The following PARP1 variants were observed in gnomAD, a reference collection of about 807,000 sequenced individuals.
The protein encoded by PARP1 is poly [ADP-ribose] polymerase 1.
PARP1 carries 44 observed loss-of-function variants against 118.7 expected under a neutral mutation model. The ratio of observed to expected loss-of-function variants is 0.37; its 90% CI spans 0.29 to 0.48. The LOEUF is 0.48. Among genes scored for constraint, PARP1 ranks in the 20% least tolerant of loss-of-function variants. The probability of loss-of-function intolerance (pLI) is 0.99; values close to 1 mark genes in which losing one functional copy is unlikely to be tolerated. For synonymous variants in PARP1, 492 were observed against 483.2 expected, an observed-to-expected ratio of 1.02 and a Z score of -0.24; for missense variants, 1,100 against 1,272.4, an observed-to-expected ratio of 0.86 and a Z score of 2.06.
chr1:226,377,453 T>C (rs1664515158), intron 12 of PARP1, 150 bp from the exon 13 acceptor site: 4 of 668,566 alleles, frequency 6.0e-6, no homozygotes, highest in Middle Eastern at 3.0e-4. Context: ...ACAACTGCTA[T>C]AACAATAAAG....
At chr1:226,391,830 T>A (rs1161670954) in intron 3 of PARP1, among the ~76,000 whole-genome samples, 11 of 152,198 alleles carry the variant, frequency 7.2e-5, no homozygotes, top group African/African-American at 2.4e-4. Flanking sequence ...GTTAATGAAG[T>A]TCCTTTGATT....
At chr1:226,385,412 T>C (rs1332022591) in intron 7 of PARP1, 92 bp downstream of exon 7, 1 of 1,065,178 alleles carries the variant, frequency 9.4e-7, no homozygotes, top group Non-Finnish European at 1.5e-6. Flanking sequence ...AACATGGCCC[T>C]GCAATCTCAG....
Position 226,385,323 on chromosome 1 carries a change from T to C in PARP1, c.1011+181A>G, listed in dbSNP as rs147721767. 2.5e-3 allele frequency among the ~76,000 whole-genome samples: 378 copies of C among 152,328 alleles called. 2 individuals are homozygous for C. The highest frequency in any genetic ancestry group is 1.4e-3 in the Non-Finnish European group (95 of 68,026). ...TACTCCATACTTAGAGGAGCTTCGG[T>C]TCTACATTTGCGTAGTTTGCAAACA... is the stretch of plus-strand genomic sequence containing the variant. On this transcript the variant is annotated intron_variant, in intron 7 of 22. Transcript: ENST00000366794.
At position 226,381,150 on chromosome 1, in the gene PARP1, A is replaced by G. The variant is rs1664598611; in HGVS notation, c.1218T>C (p.Asp406=). 2 of 1,614,062 alleles carry G rather than the reference A, an allele frequency of 1.2e-6. No homozygotes were observed. The highest frequency in any genetic ancestry group is 2.2e-5 in the South Asian group (2 of 91,066). The stretch of plus-strand genomic sequence containing the variant: ...GTTTCTCAATCATGGCCTTCACTTC[A>G]TCCTTGTTCCGGGACAGCTTCCCGA... ...LTLGKLSRNK[D]EVKAMIEKLG... The change falls in exon 9 of 23, where the codon GAT becomes GAC. Residue 406 remains aspartate, a synonymous_variant. Coordinates refer to ENST00000366794, the MANE Select transcript of PARP1 (RefSeq NM_001618.4).
chr1:226,364,387 A>C, intron 19 of PARP1: 3 of 365,894 alleles, frequency 8.2e-6, no homozygotes, highest in Non-Finnish European at 1.6e-5. Context: ...GTGTTACTTA[A>C]ACTAGCGCCT....
intron 1 of PARP1, among the ~76,000 whole-genome samples, chr1:226,403,014 C>T (rs975369724): frequency 3.9e-5 from 6 of 152,198 alleles, no homozygotes; most frequent in African/African-American, 9.6e-5. Flanking sequence ...GCGGATGGTT[C>T]GGGGCAGCAT....
At chr1:226,406,672 C>T (rs1487097207) in intron 1 of PARP1, among the ~76,000 whole-genome samples, 1 of 152,180 alleles carries the variant, frequency 6.6e-6, no homozygotes, top group East Asian at 1.9e-4. Flanking sequence ...TCCTTAAAAC[C>T]TAACAGAGTG....
chr1:226,363,066 CG>C, intron 21 of PARP1, 32 bp downstream of exon 21: 1 of 1,551,348 alleles, frequency 6.4e-7, no homozygotes, highest in Non-Finnish European at 8.9e-7. Context: ...CAGGGTGCCT[CG>C]GGCTGTAGCA....
rs1227204505 is a variant in PARP1 at position 226,366,047 on chromosome 1, A to C, written c.2412T>G (p.Val804=). 1 of 1,608,012 alleles carries C rather than the reference A, an allele frequency of 6.2e-7. No individual in the cohort carries two copies. Among genetic ancestry groups the C allele is most frequent in the South Asian group, 1.1e-5 (1 of 90,948 alleles). The change falls in exon 18 of 23, where the codon GTT becomes GTG. Residue 804 remains valine, a synonymous_variant. Coordinates refer to ENST00000366794, the MANE Select transcript of PARP1 (RefSeq NM_001618.4). ...YEKLKTDIKV[V]DRDSEEAEII... ...TCTCGGCTTCTTCAGAATCTCTGTCAACCACCTGGATAAACAGAATCTTGG... is the reference window on the plus strand; with the variant it reads ...TCTCGGCTTCTTCAGAATCTCTGTCCACCACCTGGATAAACAGAATCTTGG...
At chr1:226,406,594 C>T (rs1442824789) in intron 1 of PARP1, among the ~76,000 whole-genome samples, 1 of 152,200 alleles carries the variant, frequency 6.6e-6, no homozygotes, top group Non-Finnish European at 1.5e-5. Context: ...TCCTCTCTTA[C>T]GGTAACGTTT....
At chr1:226,405,803 TTAAAAATGCGTAA>T (rs771356701) in intron 1 of PARP1, among the ~76,000 whole-genome samples, 2 of 152,068 alleles carry the variant, frequency 1.3e-5, no homozygotes, top group Non-Finnish European at 2.9e-5. Flanking sequence ...AGAATAACAT[TTAAAAATGCGTAA>T]TAAAAAGGCT....
intron 2 of PARP1, chr1:226,392,813 A>C (rs1221254664): frequency 2.3e-6 from 2 of 874,286 alleles, no homozygotes; most frequent in African/African-American, 3.5e-5. Flanking sequence ...AAAAGGTTGA[A>C]TTATTCAATA....
At chr1:226,382,903 G>A in intron 8 of PARP1, 133 bp downstream of exon 8, 1 of 997,494 alleles carries the variant, frequency 1.0e-6, no homozygotes, top group Non-Finnish European at 1.6e-6. Flanking sequence ...TGCAGGGCAA[G>A]GCTTCCCCAT....
intron 14 of PARP1, 113 bp downstream of exon 14, chr1:226,374,113 G>A: frequency 8.1e-7 from 1 of 1,240,206 alleles, no homozygotes; most frequent in African/African-American, 1.5e-5. Context: ...GAAGCTGACA[G>A]CCAATGTATT....
At chr1:226,374,177 TAATC>T in intron 14 of PARP1, 45 bp downstream of exon 14, 1 of 1,608,902 alleles carries the variant, frequency 6.2e-7, no homozygotes, top group Non-Finnish European at 8.5e-7. Flanking sequence ...GCTCAGCAAA[TAATC>T]ATCCACAGCA....
At chr1:226,392,675 G>T in intron 2 of PARP1, 1 of 537,502 alleles carries the variant, frequency 1.9e-6, no homozygotes, top group Non-Finnish European at 3.3e-6. Context: ...GTCTCACTAA[G>T]GCTTCTAATT....
At position 226,400,423 on chromosome 1, in the gene PARP1, T is replaced by G. The variant is rs78966029; in HGVS notation, c.286+1791A>C. Reference sequence around the variant, plus strand: ...ACATCAGCACACACCGGGATAACTCTCAAATAGAGTAAACATTTAGATGTT... The same window carrying G: ...ACATCAGCACACACCGGGATAACTCGCAAATAGAGTAAACATTTAGATGTT... On this transcript the variant is annotated intron_variant, in intron 2 of 22. Transcript: ENST00000366794. Among the ~76,000 whole-genome samples, 712 of 152,268 alleles carry G rather than the reference T, an allele frequency of 4.7e-3. 2 individuals are homozygous for G. The highest frequency in any genetic ancestry group is 7.5e-3 in the Non-Finnish European group (512 of 68,026).
At chr1:226,373,305 C>A (rs1169946576) in intron 14 of PARP1, among the ~76,000 whole-genome samples, 1 of 152,192 alleles carries the variant, frequency 6.6e-6, no homozygotes, top group Admixed American at 6.5e-5. Flanking sequence ...CCACTGGTTC[C>A]TAGGAGCCTA....
Position 226,360,965 on chromosome 1 carries a change from A to G in PARP1, c.*495T>C, listed in dbSNP as rs1411509268. On this transcript the variant is annotated 3_prime_UTR_variant, in exon 23 of 23. Coordinates refer to ENST00000366794, the MANE Select transcript of PARP1 (RefSeq NM_001618.4). ...AAGAGGCAAACAAAAAAAACTAAAA[A>G]GGGGACAATAAGTGCAAGATAAAAA... 4.4e-6 allele frequency: 1 copy of G among 228,022 alleles called. No individual in the cohort carries two copies. Among genetic ancestry groups the G allele is most frequent in the African/African-American group, 2.2e-5 (1 of 44,688 alleles). The allele number at this position is 228,022 out of a possible 1,614,324, so 14.1% of individuals were successfully genotyped here.
Sources: gnomAD v4.1 joint callset for allele counts (sites outside exome capture counted in the v4.1 genomes callset) on GRCh38, gnomAD v4.1.1 for gene constraint, MANE v1.5 for transcripts, NCBI Gene and HGNC (gene_info 2026-07-23, HGNC 2026-07-21) for gene names.